RB1CC1: variants seen among roughly 807,000 people sequenced by gnomAD.
RB1CC1 encodes the protein RB1-inducible coiled-coil protein 1.
In RB1CC1, 46 loss-of-function variants were observed where a neutral mutation model predicts 177.5. That is an observed-to-expected ratio of 0.26 (90% confidence interval 0.20 to 0.33). The LOEUF is 0.33. Ranked by LOEUF, RB1CC1 falls within the 10% of genes least tolerant of loss-of-function variation. The pLI is 1.00. For missense variants in RB1CC1, 1,703 were observed against 1,816.3 expected, an observed-to-expected ratio of 0.94 and a Z score of 1.13; for synonymous variants, 666 against 613.6, an observed-to-expected ratio of 1.09 and a Z score of -1.26.
At chr8:52,688,043 T>G (rs889174351) in intron 1 of RB1CC1, among the ~76,000 whole-genome samples, 4 of 152,230 alleles carry the variant, frequency 2.6e-5, no homozygotes, top group African/African-American at 9.6e-5. Context: ...ATGCCTGTCT[T>G]TAATCTCTTA....
At chr8:52,640,885 A>T (rs1849514653) in intron 18 of RB1CC1, among the ~76,000 whole-genome samples, 1 of 152,170 alleles carries the variant, frequency 6.6e-6, no homozygotes. Context: ...CCTTTCAACC[A>T]GACAGAAACC....
At chr8:52,675,573 T>C (rs1853023845) in intron 6 of RB1CC1, among the ~76,000 whole-genome samples, 1 of 151,920 alleles carries the variant, frequency 6.6e-6, no homozygotes, top group Non-Finnish European at 1.5e-5. Flanking sequence ...TAATGAGCAT[T>C]GAAAACACAT....
intron 12 of RB1CC1, among the ~76,000 whole-genome samples, chr8:52,660,246 G>A (rs1851493406): frequency 6.6e-6 from 1 of 152,072 alleles, no homozygotes; most frequent in Non-Finnish European, 1.5e-5. Context: ...GGTGGAGGCT[G>A]TAAAGGAGGA....
chr8:52,677,427 A>T (rs1853231465), intron 5 of RB1CC1, among the ~76,000 whole-genome samples: 1 of 152,160 alleles, frequency 6.6e-6, no homozygotes, highest in Admixed American at 6.5e-5. Context: ...AAAAAGCGAG[A>T]GAAAGAGGGC....
At chr8:52,659,323 A>G (rs1450656018) in intron 12 of RB1CC1, among the ~76,000 whole-genome samples, 1 of 152,058 alleles carries the variant, frequency 6.6e-6, no homozygotes, top group Non-Finnish European at 1.5e-5. Flanking sequence ...TATATATATA[A>G]TATTTACCAT....
At chr8:52,638,965 T>C (rs1479920437) in intron 18 of RB1CC1, among the ~76,000 whole-genome samples, 3 of 152,186 alleles carry the variant, frequency 2.0e-5, no homozygotes, top group African/African-American at 7.2e-5. Flanking sequence ...CATTAAATAC[T>C]ATCTATGTAG....
intron 16 of RB1CC1, among the ~76,000 whole-genome samples, chr8:52,643,448 C>T (rs1300186187): frequency 2.6e-5 from 4 of 152,074 alleles, no homozygotes; most frequent in African/African-American, 9.7e-5. Context: ...TGCCTGTAAT[C>T]TCAGCACTTT....
Position 52,712,782 on chromosome 8 carries a change from AG to A in RB1CC1, c.-167+1292del, listed in dbSNP as rs373585799. ...AATCACAAACATTAAAAGACATGACAGGAATGTTATTGAGAAAATATCTTCA... is the reference window on the plus strand; with the variant it reads ...AATCACAAACATTAAAAGACATGACAGAATGTTATTGAGAAAATATCTTCA... On this transcript the variant is annotated intron_variant, in intron 1 of 23. Coordinates refer to ENST00000025008, the MANE Select transcript of RB1CC1 (RefSeq NM_014781.5). 2.9e-3 allele frequency among the ~76,000 whole-genome samples: 447 copies of A among 152,338 alleles called. 4 individuals are homozygous for A. The highest frequency in any genetic ancestry group is 0.01 in the African/African-American group (422 of 41,582).
intron 5 of RB1CC1, among the ~76,000 whole-genome samples, chr8:52,679,524 T>C (rs1377483769): frequency 6.6e-6 from 1 of 152,184 alleles, no homozygotes; most frequent in Non-Finnish European, 1.5e-5. Context: ...ATCCTGCCCT[T>C]CTGAACCAAA....
In RB1CC1 at chr8:52,661,726, G is replaced by T. The variant is rs372095817; in HGVS notation, c.1174-7C>A. 1.2e-4 allele frequency: 185 copies of T among 1,526,824 alleles called. No homozygotes were observed. The highest frequency in any genetic ancestry group is 1.5e-4 in the Non-Finnish European group (174 of 1,140,396). 94.6% of individuals were successfully genotyped at this position (1,526,824 alleles called of 1,614,324 possible). On this transcript the variant is annotated splice_region_variant and splice_polypyrimidine_tract_variant and intron_variant, in intron 8 of 23. Coordinates refer to ENST00000025008, the MANE Select transcript of RB1CC1 (RefSeq NM_014781.5). ...TCTGATTAGCTAAAAATCCCTTTGAGAAAAAAAATGTTTCAAAGGACATTA... is the reference window on the plus strand; with the variant it reads ...TCTGATTAGCTAAAAATCCCTTTGATAAAAAAAATGTTTCAAAGGACATTA...
chr8:52,648,163 G>C (rs934510243), intron 15 of RB1CC1, among the ~76,000 whole-genome samples: 1 of 152,018 alleles, frequency 6.6e-6, no homozygotes, highest in Admixed American at 6.6e-5. Flanking sequence ...ACCAGAATAA[G>C]AACACTAGAT....
In RB1CC1 at chr8:52,622,791, T is replaced by A. The variant is rs572797081; in HGVS notation, c.*991A>T. ...TTAAAGAACATTTTTGTAATAAACA[T>A]GTTTCTCTTTGATATGATACATAAC... On this transcript the variant is annotated 3_prime_UTR_variant, in exon 24 of 24. Transcript: ENST00000025008. The A allele has an allele frequency of 4.6e-5, 7 of 152,200 alleles. No homozygotes were observed. The East Asian group carries it at 1.2e-3, about 25-fold the overall frequency. 9.4% of individuals were successfully genotyped at this position (152,200 alleles called of 1,614,324 possible).
intron 19 of RB1CC1, among the ~76,000 whole-genome samples, chr8:52,635,652 CTTTG>C (rs1166347217): frequency 2.0e-5 from 3 of 152,016 alleles, no homozygotes; most frequent in Non-Finnish European, 4.4e-5. Flanking sequence ...GTATTTAATA[CTTTG>C]TTTTTGAAAT....
chr8:52,630,786 G>A (rs961466257), intron 20 of RB1CC1, among the ~76,000 whole-genome samples: 26 of 152,126 alleles, frequency 1.7e-4, no homozygotes, highest in African/African-American at 6.3e-4. Context: ...CAGAGAAAAG[G>A]ACAGATTTTT....
chr8:52,637,083 T>C lies in RB1CC1; in HGVS notation c.4338-1014A>G, dbSNP rs77963426. Reference sequence around the variant, plus strand: ...GACTCTTGCAATTCCATATGAATTTTAGGATCAGCCTGCCCTTTTCTGCAA... The same window carrying C: ...GACTCTTGCAATTCCATATGAATTTCAGGATCAGCCTGCCCTTTTCTGCAA... On this transcript the variant is annotated intron_variant, in intron 18 of 23. Coordinates refer to ENST00000025008, the MANE Select transcript of RB1CC1 (RefSeq NM_014781.5). Among the ~76,000 whole-genome samples, 829 of 152,300 alleles carry C rather than the reference T, an allele frequency of 5.4e-3. 7 individuals are homozygous for C. Among genetic ancestry groups the C allele is most frequent in the African/African-American group, 0.019 (797 of 41,566 alleles).
At chr8:52,627,179 T>G (rs1267824141) in intron 22 of RB1CC1, among the ~76,000 whole-genome samples, 1 of 152,026 alleles carries the variant, frequency 6.6e-6, no homozygotes, top group Non-Finnish European at 1.5e-5. Context: ...AAAACCCGCC[T>G]CTACTAAAAA....
chr8:52,635,460 T>C (rs1352601918), intron 19 of RB1CC1, among the ~76,000 whole-genome samples: 4 of 152,144 alleles, frequency 2.6e-5, no homozygotes, highest in Non-Finnish European at 5.9e-5. Flanking sequence ...GAAAATCTTA[T>C]AGGCCTAAAG....
At chr8:52,641,787 A>G (rs1038543710) in intron 18 of RB1CC1, among the ~76,000 whole-genome samples, 17 of 152,070 alleles carry the variant, frequency 1.1e-4, no homozygotes, top group Admixed American at 1.0e-3. Context: ...CGTCCTTTGG[A>G]GAGGAGCACT....
intron 18 of RB1CC1, among the ~76,000 whole-genome samples, chr8:52,642,103 C>T (rs2150410621): frequency 6.6e-6 from 1 of 152,216 alleles, no homozygotes; most frequent in Admixed American, 6.5e-5. Flanking sequence ...AATACTACTG[C>T]CATGATCCTT....
Sources: gnomAD v4.1 joint callset for allele counts (sites outside exome capture counted in the v4.1 genomes callset) on GRCh38, gnomAD v4.1.1 for gene constraint, MANE v1.5 for transcripts, NCBI Gene and HGNC (gene_info 2026-07-23, HGNC 2026-07-21) for gene names.